The following IKZF2 variants were observed in gnomAD, a reference collection of about 807,000 sequenced individuals.
IKZF2 encodes the protein zinc finger protein Helios.
Under a neutral mutation model 49.2 loss-of-function variants are expected in IKZF2, and 15 were observed. That is an observed-to-expected ratio of 0.30 (90% CI 0.20 to 0.47). The LOEUF (loss-of-function observed/expected upper bound fraction) is 0.47, where lower values mean the gene tolerates loss of function less well. Ranked by LOEUF, IKZF2 falls within the 20% of genes least tolerant of loss-of-function variation. The pLI is 1.00. For missense variants in IKZF2, 567 were observed against 664.6 expected (o/e 0.85, Z 1.61); for synonymous variants, 227 against 221.4 (o/e 1.03, Z -0.23).
In IKZF2 at chr2:213,001,312, C is replaced by CTTTGCTTTACATTTTTA; in HGVS notation, c.*6031_*6047dup. 6.6e-6 allele frequency: 1 copy of CTTTGCTTTACATTTTTA among 151,994 alleles called. No homozygotes were observed. The highest frequency in any genetic ancestry group is 1.9e-4 in the East Asian group (1 of 5,160). 9.4% of individuals were successfully genotyped at this position (151,994 alleles called of 1,614,324 possible). ...TCCCAATTAGGAGAAAGTTAAGACT[C>CTTTGCTTTACATTTTTA]TTTGCTTTACATTTTTAACACCTTT... is the stretch of plus-strand genomic sequence containing the variant. On this transcript the variant is annotated 3_prime_UTR_variant, in exon 9 of 9. Coordinates refer to ENST00000434687, the MANE Select transcript of IKZF2 (RefSeq NM_001387220.1).
intron 4 of IKZF2, among the ~76,000 whole-genome samples, chr2:213,135,903 T>G (rs2060642028): frequency 6.7e-6 from 1 of 150,342 alleles, no homozygotes; most frequent in Non-Finnish European, 1.5e-5. Context: ...CAAAAAAAAA[T>G]TAGCCGGGCA....
At chr2:213,131,733 A>T (rs1172669014) in intron 4 of IKZF2, among the ~76,000 whole-genome samples, 1 of 152,180 alleles carries the variant, frequency 6.6e-6, no homozygotes, top group Non-Finnish European at 1.5e-5. Flanking sequence ...ATTTATTTTA[A>T]AACTGCCTTC....
Position 213,049,879 on chromosome 2 carries a change from A to G in IKZF2, c.408T>C (p.Gly136=). The G allele has an allele frequency of 1.3e-6, 2 of 1,555,770 alleles. No homozygotes were observed. The highest frequency in any genetic ancestry group is 1.7e-6 in the Non-Finnish European group (2 of 1,145,132). The part of the protein sequence containing the change: ...VLMVHKRSHT[G]ERPFHCNQCG... ...ACTGGTTACAGTGGAAGGGGCGTTCACCTGCAGTAAGGAGAAGAAATGGGA... is the reference window on the plus strand; with the variant it reads ...ACTGGTTACAGTGGAAGGGGCGTTCGCCTGCAGTAAGGAGAAGAAATGGGA... The change falls in exon 6 of 9, where the codon GGT becomes GGC. Residue 136 remains glycine, a splice_region_variant and synonymous_variant. Coordinates refer to ENST00000434687, the MANE Select transcript of IKZF2 (RefSeq NM_001387220.1).
intron 4 of IKZF2, among the ~76,000 whole-genome samples, chr2:213,113,643 C>A (rs1359564060): frequency 6.6e-6 from 1 of 152,132 alleles, no homozygotes; most frequent in Non-Finnish European, 1.5e-5. Context: ...AGTTAATTTA[C>A]TTTGGAGGTA....
At chr2:213,135,672 A>G (rs1448594092) in intron 4 of IKZF2, among the ~76,000 whole-genome samples, 1 of 151,916 alleles carries the variant, frequency 6.6e-6, no homozygotes, top group African/African-American at 2.4e-5. Context: ...ACAACAGAAC[A>G]AGACCCCATC....
intron 4 of IKZF2, among the ~76,000 whole-genome samples, chr2:213,068,529 A>C (rs997775693): frequency 2.0e-5 from 3 of 152,096 alleles, no homozygotes; most frequent in Non-Finnish European, 4.4e-5. Flanking sequence ...CAACCAGACT[A>C]TTCTTTAAGT....
intron 4 of IKZF2, among the ~76,000 whole-genome samples, chr2:213,144,507 A>G (rs963416132): frequency 5.3e-5 from 8 of 151,996 alleles, no homozygotes; most frequent in Non-Finnish European, 1.5e-5. Flanking sequence ...ACCAAGAAAC[A>G]GAAGGAATCA....
intron 2 of IKZF2, 102 bp downstream of exon 2, chr2:213,150,042 G>C: frequency 2.0e-6 from 1 of 489,366 alleles, no homozygotes; most frequent in Non-Finnish European, 3.6e-6. Context: ...AAACGTCAGG[G>C]AGAAGCGAAA....
chr2:213,057,281 T>A (rs894422449), intron 4 of IKZF2, among the ~76,000 whole-genome samples, 182 bp from the exon 5 acceptor site: 1 of 152,178 alleles, frequency 6.6e-6, no homozygotes, highest in Non-Finnish European at 1.5e-5. Context: ...TGAAATGTCA[T>A]GGAAGTGAAG....
chr2:213,082,648 T>C (rs1704077070), intron 4 of IKZF2, among the ~76,000 whole-genome samples: 1 of 152,206 alleles, frequency 6.6e-6, no homozygotes, highest in South Asian at 2.1e-4. Flanking sequence ...GTATACAGAA[T>C]ATGAAGAAAT....
chr2:213,081,014 T>C (rs563681029), intron 4 of IKZF2, among the ~76,000 whole-genome samples: 1 of 152,264 alleles, frequency 6.6e-6, no homozygotes, highest in African/African-American at 2.4e-5. Flanking sequence ...TTACAACTAA[T>C]AAAAAAGCAA....
At chr2:213,081,386 T>G (rs1252707474) in intron 4 of IKZF2, 1 of 152,550 alleles carries the variant, frequency 6.6e-6, no homozygotes, top group Non-Finnish European at 1.5e-5. Context: ...CAAAACAAAG[T>G]CACAGAAGTA....
intron 4 of IKZF2, among the ~76,000 whole-genome samples, chr2:213,075,817 C>T (rs1703196057): frequency 6.6e-6 from 1 of 152,054 alleles, no homozygotes; most frequent in African/African-American, 2.4e-5. Context: ...ATTATACAAG[C>T]ACTGACATTC....
intron 4 of IKZF2, among the ~76,000 whole-genome samples, chr2:213,102,906 G>T (rs142554432): frequency 1.6e-3 from 240 of 152,158 alleles, no homozygotes; most frequent in Middle Eastern, 6.8e-3. Flanking sequence ...TTGTAAAAAG[G>T]TTCCTTTTTA....
At chr2:213,088,277 T>C (rs1704893230) in intron 4 of IKZF2, among the ~76,000 whole-genome samples, 1 of 152,242 alleles carries the variant, frequency 6.6e-6, no homozygotes, top group East Asian at 1.9e-4. Flanking sequence ...CATTTTTCCA[T>C]GTGTCTGTCA....
chr2:213,065,588 C>A (rs550160750), intron 4 of IKZF2, among the ~76,000 whole-genome samples: 50 of 152,072 alleles, frequency 3.3e-4, no homozygotes, highest in African/African-American at 1.2e-3. Flanking sequence ...CCATTAATGA[C>A]AGGAAAGAAT....
intron 4 of IKZF2, among the ~76,000 whole-genome samples, chr2:213,075,799 A>G (rs1332851486): frequency 6.6e-6 from 1 of 152,166 alleles, no homozygotes; most frequent in Non-Finnish European, 1.5e-5. Flanking sequence ...TGTGACCTCT[A>G]TCTTGATATT....
intron 4 of IKZF2, among the ~76,000 whole-genome samples, chr2:213,106,280 T>C (rs1021708875): frequency 7.9e-5 from 12 of 152,098 alleles, no homozygotes; most frequent in Non-Finnish European, 1.3e-4. Context: ...CACCAATCTA[T>C]TTTTCTGTTT....
chr2:213,004,092 T>C lies in IKZF2; in HGVS notation c.*3268A>G, dbSNP rs943229799. The C allele has an allele frequency of 4.0e-5, 6 of 151,848 alleles. No individual in the cohort carries two copies. The highest frequency in any genetic ancestry group is 1.4e-4 in the African/African-American group (6 of 41,428). 9.4% of individuals were successfully genotyped at this position (151,848 alleles called of 1,614,324 possible). On this transcript the variant is annotated 3_prime_UTR_variant, in exon 9 of 9. Transcript: ENST00000434687. ...TATTAACTGTCATTTAAATTCTCTG[T>C]ATGTTTTTGCAATACATCTGATCAC...
Sources: allele counts gnomAD v4.1 joint callset (sites outside exome capture counted in the v4.1 genomes callset), GRCh38; gene constraint gnomAD v4.1.1; transcripts MANE v1.5; gene names NCBI Gene and HGNC (gene_info 2026-07-23, HGNC 2026-07-21).